Variants in NLN observed in about 807,000 individuals in gnomAD.
The protein encoded by NLN is neurolysin, mitochondrial.
Under a neutral mutation model 79.9 loss-of-function variants are expected in NLN, and 64 were observed. The observed-to-expected ratio is 0.80, with a 90% CI of 0.65 to 0.99. The LOEUF (loss-of-function observed/expected upper bound fraction) is 0.99. Among genes scored for constraint, NLN ranks in the 50% least tolerant of loss-of-function variants. The pLI, the probability that NLN is intolerant of heterozygous loss-of-function variation, is 0.00. For missense variants in NLN, 835 were observed against 858.7 expected, an observed-to-expected ratio of 0.97 and a Z score of 0.34; for synonymous variants, 267 against 296.6, an observed-to-expected ratio of 0.90 and a Z score of 1.02.
intron 9 of NLN, chr5:65,793,562 G>GGATCAC (rs1760111079): frequency 6.6e-6 from 1 of 151,806 alleles, no homozygotes; most frequent in South Asian, 2.1e-4. Flanking sequence ...AGTTCAGGAG[G>GGATCAC]TTGAGGTTGT....
chr5:65,798,937 G>A (rs1294443134), intron 9 of NLN, among the ~76,000 whole-genome samples: 1 of 152,178 alleles, frequency 6.6e-6, no homozygotes, highest in African/African-American at 2.4e-5. Context: ...CTGGAGTGCA[G>A]TGGCACAATC....
At chr5:65,818,372 C>T (rs574588739) in intron 12 of NLN, among the ~76,000 whole-genome samples, 3 of 152,138 alleles carry the variant, frequency 2.0e-5, no homozygotes, top group South Asian at 2.1e-4. Flanking sequence ...TTTCTCCATC[C>T]GCTTCCACTT....
intron 3 of NLN, among the ~76,000 whole-genome samples, chr5:65,776,660 G>A (rs982889399): frequency 1.3e-5 from 2 of 152,174 alleles, no homozygotes; most frequent in African/African-American, 4.8e-5. Flanking sequence ...TGTGTATTCT[G>A]CCACCTGCTT....
chr5:65,788,476 C>G lies in NLN; in HGVS notation c.1317C>G (p.Leu439=). 1.2e-6 allele frequency: 2 copies of G among 1,612,932 alleles called. No individual in the cohort carries two copies. The highest frequency in any genetic ancestry group is 1.7e-6 in the Non-Finnish European group (2 of 1,179,092). The change falls in exon 8 of 13, where the codon CTC becomes CTG. Residue 439 remains leucine, a synonymous_variant. Coordinates refer to ENST00000380985, the MANE Select transcript of NLN (RefSeq NM_020726.5). The part of the protein sequence containing the change: ...GEVLGQFYLD[L]YPREGKYNHA... Reference sequence around the variant, plus strand: ...TATTGGGACAGTTCTATTTGGACCTCTATCCAAGGTACTGAGGATCACGTT... The same window carrying G: ...TATTGGGACAGTTCTATTTGGACCTGTATCCAAGGTACTGAGGATCACGTT...
At chr5:65,760,537 A>G (rs918585623) in intron 2 of NLN, among the ~76,000 whole-genome samples, 2 of 152,156 alleles carry the variant, frequency 1.3e-5, no homozygotes, top group Non-Finnish European at 2.9e-5. Context: ...ATTTGAGACA[A>G]AGTCTCACTC....
intron 8 of NLN, among the ~76,000 whole-genome samples, chr5:65,790,224 A>C (rs965386640): frequency 1.3e-5 from 2 of 152,178 alleles, no homozygotes; most frequent in African/African-American, 4.8e-5. Flanking sequence ...TCAGTAATAC[A>C]CACAAGTTTG....
intron 9 of NLN, chr5:65,809,127 G>A (rs1760485593): frequency 6.2e-6 from 1 of 161,560 alleles, no homozygotes; most frequent in African/African-American, 2.4e-5. Flanking sequence ...TTGGAAGGAG[G>A]AGCTAGGGAG....
At chr5:65,729,267 G>GA (rs1359135126) in intron 1 of NLN, among the ~76,000 whole-genome samples, 5 of 151,462 alleles carry the variant, frequency 3.3e-5, no homozygotes, top group Non-Finnish European at 7.4e-5. Context: ...CAGTATTGGG[G>GA]AAAAAAATCT....
At chr5:65,743,315 T>C (rs1284848601) in intron 1 of NLN, among the ~76,000 whole-genome samples, 1 of 152,186 alleles carries the variant, frequency 6.6e-6, no homozygotes, top group Admixed American at 6.5e-5. Context: ...GCCAAAACAA[T>C]CTTCAAAAGA....
chr5:65,745,550 T>C (rs1758958899), intron 1 of NLN, among the ~76,000 whole-genome samples: 1 of 152,198 alleles, frequency 6.6e-6, no homozygotes, highest in Non-Finnish European at 1.5e-5. Flanking sequence ...TCCTCTTGGC[T>C]TATTGGGAGG....
chr5:65,763,283 G>A (rs149429560), intron 3 of NLN, among the ~76,000 whole-genome samples, 175 bp downstream of exon 3: 2 of 152,320 alleles, frequency 1.3e-5, no homozygotes, highest in African/African-American at 4.8e-5. Flanking sequence ...TTGAGGTTAT[G>A]TTGAGCTGCT....
At chr5:65,758,901 A>G (rs1434973047) in intron 2 of NLN, 75 bp downstream of exon 2, 1 of 1,319,098 alleles carries the variant, frequency 7.6e-7, no homozygotes, top group Non-Finnish European at 1.1e-6. Flanking sequence ...TCTGTCTTTC[A>G]GTTTTCCAGT....
Position 65,762,940 on chromosome 5 carries a change from G to A in NLN, c.302-20G>A. The A allele has an allele frequency of 6.2e-7, 1 of 1,611,444 alleles. No individual in the cohort carries two copies. The highest frequency in any genetic ancestry group is 8.5e-7 in the Non-Finnish European group (1 of 1,178,736). On this transcript the variant is annotated intron_variant, in intron 2 of 12. Transcript: ENST00000380985. Reference sequence around the variant, plus strand: ...TGACAAGTCCTGTTGTGTGGTGATAGTTTTTTTCTCCATCTGCAGTGGAAA... The same window carrying A: ...TGACAAGTCCTGTTGTGTGGTGATAATTTTTTTCTCCATCTGCAGTGGAAA...
intron 9 of NLN, among the ~76,000 whole-genome samples, chr5:65,796,815 A>C (rs941206699): frequency 2.0e-5 from 3 of 152,270 alleles, no homozygotes; most frequent in Non-Finnish European, 4.4e-5. Context: ...AGCTTACCTA[A>C]GAAACATATA....
chr5:65,817,306 G>T (rs1760690780), intron 12 of NLN, among the ~76,000 whole-genome samples: 1 of 152,148 alleles, frequency 6.6e-6, no homozygotes, highest in African/African-American at 2.4e-5. Flanking sequence ...CAGTGAACAT[G>T]AAGTTGTCTC....
intron 9 of NLN, among the ~76,000 whole-genome samples, chr5:65,801,985 G>A (rs1372969887): frequency 6.6e-6 from 1 of 152,214 alleles, no homozygotes; most frequent in Non-Finnish European, 1.5e-5. Context: ...TCATATGGTG[G>A]TGGCTGATGG....
At chr5:65,768,107 C>G (rs1016783950) in intron 3 of NLN, among the ~76,000 whole-genome samples, 1 of 152,180 alleles carries the variant, frequency 6.6e-6, no homozygotes, top group African/African-American at 2.4e-5. Flanking sequence ...CAACCTCTGC[C>G]CTTGACCCAG....
At position 65,828,820 on chromosome 5, in the gene NLN, C is replaced by T. The variant is rs1305008909; in HGVS notation, c.*5905C>T. 6 of 152,206 alleles carry T rather than the reference C, an allele frequency of 3.9e-5. No homozygotes were observed. The highest frequency in any genetic ancestry group is 3.4e-3 in the Middle Eastern group (1 of 294). The allele number at this position is 152,206 out of a possible 1,614,324, so 9.4% of individuals were successfully genotyped here. The stretch of plus-strand genomic sequence containing the variant: ...TCGGGAAAACATCCCTCAGATGAAA[C>T]GTTCACAGGCTGGCTCTGAAAACTG... On this transcript the variant is annotated 3_prime_UTR_variant, in exon 13 of 13. Coordinates refer to ENST00000380985, the MANE Select transcript of NLN (RefSeq NM_020726.5).
intron 10 of NLN, 46 bp from the exon 11 acceptor site, chr5:65,809,991 A>G (rs1460607540): frequency 1.3e-6 from 2 of 1,597,954 alleles, no homozygotes; most frequent in Middle Eastern, 1.7e-4. Flanking sequence ...TAAAACACAC[A>G]GTTCTGTCTT....
Sources: allele counts gnomAD v4.1 joint callset (sites outside exome capture counted in the v4.1 genomes callset), GRCh38; gene constraint gnomAD v4.1.1; transcripts MANE v1.5; gene names NCBI Gene and HGNC (gene_info 2026-07-23, HGNC 2026-07-21).